Variants in TCF12 observed in about 807,000 individuals in gnomAD.
The protein encoded by TCF12 is DNA-binding protein HTF4.
Under a neutral mutation model 86.0 loss-of-function variants are expected in TCF12, and 45 were observed. The observed-to-expected ratio is 0.52, with a 90% CI of 0.41 to 0.67. TCF12 has a LOEUF of 0.67. Among genes scored for constraint, TCF12 ranks in the 30% least tolerant of loss-of-function variants. The pLI, the probability that TCF12 is intolerant of heterozygous loss-of-function variation, is 0.00. For synonymous variants in TCF12, 330 were observed against 299.6 expected, an observed-to-expected ratio of 1.10 and a Z score of -1.05; for missense variants, 881 against 859.9, an observed-to-expected ratio of 1.02 and a Z score of -0.31.
At chr15:56,940,991 C>T (rs893526318) in intron 3 of TCF12, among the ~76,000 whole-genome samples, 1 of 149,600 alleles carries the variant, frequency 6.7e-6, no homozygotes, top group African/African-American at 2.5e-5. Context: ...AAACTCCTGA[C>T]CTCAAGCAGT....
chr15:57,076,839 T>C (rs543859887), intron 4 of TCF12, among the ~76,000 whole-genome samples: 1 of 152,286 alleles, frequency 6.6e-6, no homozygotes, highest in East Asian at 1.9e-4. Flanking sequence ...GTATAAGATG[T>C]CAAGTCAGGT....
At chr15:57,090,549 A>C (rs1206795608) in intron 4 of TCF12, among the ~76,000 whole-genome samples, 1 of 152,208 alleles carries the variant, frequency 6.6e-6, no homozygotes, top group Non-Finnish European at 1.5e-5. Flanking sequence ...ATGATTTGAC[A>C]GTTATTTAGC....
intron 19 of TCF12, chr15:57,278,744 C>CCTCCCTCTCT: frequency 7.5e-6 from 1 of 133,208 alleles, no homozygotes; most frequent in East Asian, 2.4e-4. Context: ...TCTCTCCCTC[C>CCTCCCTCTCT]CTCCCTCTCT....
intron 5 of TCF12, among the ~76,000 whole-genome samples, chr15:57,118,921 G>C (rs1375365894): frequency 6.6e-6 from 1 of 152,090 alleles, no homozygotes; most frequent in Non-Finnish European, 1.5e-5. Context: ...AAAGTGTTCA[G>C]ATTTTCAAAG....
intron 3 of TCF12, among the ~76,000 whole-genome samples, chr15:57,059,498 C>G (rs1000825625): frequency 2.0e-5 from 3 of 152,082 alleles, no homozygotes; most frequent in Admixed American, 1.3e-4. Context: ...CATTTCCTGT[C>G]TTATTTCTCA....
chr15:56,938,991 TTA>T (rs755703928), intron 3 of TCF12, among the ~76,000 whole-genome samples: 1 of 152,220 alleles, frequency 6.6e-6, no homozygotes, highest in Non-Finnish European at 1.5e-5. Flanking sequence ...TTAGCCAGTC[TTA>T]TATTCACTGC....
At chr15:56,958,937 A>G (rs1830929946) in intron 3 of TCF12, among the ~76,000 whole-genome samples, 1 of 152,154 alleles carries the variant, frequency 6.6e-6, no homozygotes, top group South Asian at 2.1e-4. Context: ...TATCTAGTGG[A>G]TTGTGAAACT....
intron 13 of TCF12, chr15:57,247,603 A>G (rs867139337): frequency 1.2e-6 from 1 of 827,544 alleles, no homozygotes; most frequent in Admixed American, 1.7e-5. Flanking sequence ...CAATCTTGCC[A>G]TACTTTTCAA....
chr15:57,012,475 C>T (rs957206623), intron 3 of TCF12, among the ~76,000 whole-genome samples: 6 of 152,244 alleles, frequency 3.9e-5, no homozygotes, highest in African/African-American at 1.4e-4. Flanking sequence ...TCTTGTACGC[C>T]GCATTGATCT....
rs1334983537 is a variant in TCF12 at position 57,085,472 on chromosome 15, C to T, written c.223-6317C>T. Among the ~76,000 whole-genome samples the T allele has an allele frequency of 2.0e-5, 3 of 152,168 alleles. No individual in the cohort carries two copies. In the East Asian group the frequency reaches 5.8e-4, roughly 29 times the overall value. On this transcript the variant is annotated intron_variant, in intron 4 of 20. Transcript: ENST00000333725. ...CACCTACTACATGCCCGTTAGTGTGCTTGTCCCTTGTGAGAGATTAGTGAG... is the reference window on the plus strand; with the variant it reads ...CACCTACTACATGCCCGTTAGTGTGTTTGTCCCTTGTGAGAGATTAGTGAG...
At chr15:56,976,780 A>G (rs2062628410) in intron 3 of TCF12, among the ~76,000 whole-genome samples, 1 of 152,152 alleles carries the variant, frequency 6.6e-6, no homozygotes, top group Non-Finnish European at 1.5e-5. Flanking sequence ...AATACTGAAG[A>G]TGAAAATAGT....
At chr15:57,169,310 T>C (rs1432275790) in intron 6 of TCF12, among the ~76,000 whole-genome samples, 1 of 152,180 alleles carries the variant, frequency 6.6e-6, no homozygotes, top group African/African-American at 2.4e-5. Flanking sequence ...CTCATAACCA[T>C]AACAAATTTG....
chr15:56,989,926 C>G (rs1243052527), intron 3 of TCF12, among the ~76,000 whole-genome samples: 1 of 152,116 alleles, frequency 6.6e-6, no homozygotes, highest in Non-Finnish European at 1.5e-5. Context: ...GGCTGTTTTT[C>G]TAACTTCAGA....
At chr15:56,920,150 A>G (rs1194740140) in intron 2 of TCF12, among the ~76,000 whole-genome samples, 162 bp downstream of exon 2, 1 of 152,112 alleles carries the variant, frequency 6.6e-6, no homozygotes, top group African/African-American at 2.4e-5. Context: ...GCTGGAGTCC[A>G]GCTCCCCCAA....
chr15:57,171,818 A>G (rs1330898188), intron 6 of TCF12, among the ~76,000 whole-genome samples: 3 of 152,258 alleles, frequency 2.0e-5, no homozygotes, highest in Non-Finnish European at 4.4e-5. Flanking sequence ...TTTATTAATA[A>G]TAGGTATATC....
At chr15:57,045,118 C>G (rs555347268) in intron 3 of TCF12, among the ~76,000 whole-genome samples, 1 of 152,152 alleles carries the variant, frequency 6.6e-6, no homozygotes, top group East Asian at 1.9e-4. Context: ...GCAGGGAGAC[C>G]GTTTTGTGAT....
At chr15:57,025,437 C>T (rs1220122073) in intron 3 of TCF12, among the ~76,000 whole-genome samples, 6 of 152,026 alleles carry the variant, frequency 3.9e-5, no homozygotes, top group African/African-American at 1.4e-4. Context: ...CTCCTGCTTG[C>T]GTTTTCACAT....
At chr15:56,986,212 A>G (rs1189843043) in intron 3 of TCF12, among the ~76,000 whole-genome samples, 1 of 152,176 alleles carries the variant, frequency 6.6e-6, no homozygotes, top group Non-Finnish European at 1.5e-5. Flanking sequence ...TACAGAAAGT[A>G]TGCTTTTGTT....
At chr15:57,184,732 T>C (rs2056565793) in intron 6 of TCF12, among the ~76,000 whole-genome samples, 1 of 152,120 alleles carries the variant, frequency 6.6e-6, no homozygotes, top group Non-Finnish European at 1.5e-5. Flanking sequence ...CAATATTGAA[T>C]GTGCCCAGCC....
Sources: allele counts gnomAD v4.1 joint callset (sites outside exome capture counted in the v4.1 genomes callset), GRCh38; gene constraint gnomAD v4.1.1; transcripts MANE v1.5; gene names NCBI Gene and HGNC (gene_info 2026-07-23, HGNC 2026-07-21).